Variants in CILP observed in about 807,000 individuals in gnomAD.
CILP encodes the protein cartilage intermediate layer protein, also known as cartilage intermediate layer protein 1.
Under a neutral mutation model 82.5 loss-of-function variants are expected in CILP, and 75 were observed. The ratio of observed to expected loss-of-function variants is 0.91; its 90% confidence interval spans 0.75 to 1.10. CILP has a LOEUF of 1.10. CILP is among the 50% of genes least tolerant of loss of function. The pLI is 0.00. For synonymous variants in CILP, 530 were observed against 580.3 expected, an observed-to-expected ratio of 0.91 and a Z score of 1.25; for missense variants, 1,479 against 1,530.8, an observed-to-expected ratio of 0.97 and a Z score of 0.56.
intron 2 of CILP, among the ~76,000 whole-genome samples, chr15:65,208,966 A>G (rs905901661): frequency 7.6e-5 from 11 of 143,802 alleles, no homozygotes; most frequent in Non-Finnish European, 1.2e-4. Flanking sequence ...CTGCATTTGT[A>G]GCCACAAATC....
rs1212141146 is a variant in CILP at position 65,201,987 on chromosome 15, A to G, written c.1071T>C (p.His357=). Residue 357 remains histidine (H), a synonymous_variant, in exon 8 of 9, where the codon CAT becomes CAC. Coordinates refer to ENST00000261883, the MANE Select transcript of CILP (RefSeq NM_003613.4). ...DTLLDPSLYK[H]ESKLVLRKLQ... ...GTTTCCTCAGCACCAGCTTGCTCTCATGCTTGTAGAGGGAAGGATCCAGCA... is the reference window on the plus strand; with the variant it reads ...GTTTCCTCAGCACCAGCTTGCTCTCGTGCTTGTAGAGGGAAGGATCCAGCA... 6.2e-7 allele frequency: 1 copy of G among 1,602,380 alleles called. No homozygotes were observed. Among genetic ancestry groups the G allele is most frequent in the East Asian group, 2.3e-5 (1 of 43,756 alleles).
chr15:65,203,777 A>G lies in CILP; in HGVS notation c.920-307T>C, dbSNP rs2088486461. ...CTTTGGGACAGAACTGACTGTTTTAAATAGTGCAATATTCATGTTCTGCTG... is the reference window on the plus strand; with the variant it reads ...CTTTGGGACAGAACTGACTGTTTTAGATAGTGCAATATTCATGTTCTGCTG... On this transcript the variant is annotated intron_variant, in intron 6 of 8. Transcript: ENST00000261883. Among the ~76,000 whole-genome samples, 5 of 152,176 alleles carry G rather than the reference A, an allele frequency of 3.3e-5. No individual in the cohort carries two copies. The South Asian group carries it at 1.0e-3, about 32-fold the overall frequency.
In CILP at chr15:65,201,950, G is replaced by A; in HGVS notation, c.1108C>T (p.Gln370Ter). The A allele has an allele frequency of 6.2e-7, 1 of 1,607,626 alleles. No homozygotes were observed. Among genetic ancestry groups the A allele is most frequent in the African/African-American group, 1.3e-5 (1 of 74,598 alleles). The change falls in exon 8 of 9, where the codon CAG (glutamine) becomes TAG (stop). Residue 370 changes from glutamine to a stop codon, truncating the protein, a stop_gained. Transcript: ENST00000261883. LOFTEE classifies it high-confidence loss of function. ...GCCTTGCAAAAGTACTCCCCAGCCT[G>A]GTGCTGCTGCAGTTTCCTCAGCACC... ...KLVLRKLQQHQAGEYFCKAQS... is the reference protein window; with the variant it reads ...KLVLRKLQQH
Position 65,209,738 on chromosome 15 carries a change from G to A in CILP, c.18C>T (p.Ala6=), listed in dbSNP as rs2140685009. 1 of 1,614,048 alleles carries A rather than the reference G, an allele frequency of 6.2e-7. No homozygotes were observed. Among genetic ancestry groups the A allele is most frequent in the Non-Finnish European group, 8.5e-7 (1 of 1,179,992 alleles). MVGTK[A]WVFSFLVLEV... is the part of the protein sequence containing the mutation. ...CCAGGACCAGGAAGGAGAACACCCAGGCCTTGGTCCCCACCATCTTTCCCC... is the reference window on the plus strand; with the variant it reads ...CCAGGACCAGGAAGGAGAACACCCAAGCCTTGGTCCCCACCATCTTTCCCC... Residue 6 remains alanine (A), a synonymous_variant, in exon 2 of 9, where the codon GCC becomes GCT. Transcript: ENST00000261883.
chr15:65,210,531 G>T (rs1487962541), intron 1 of CILP, among the ~76,000 whole-genome samples: 2 of 152,228 alleles, frequency 1.3e-5, no homozygotes, highest in Non-Finnish European at 2.9e-5. Flanking sequence ...AACTGCAAGG[G>T]TCAGGAGAGG....
Position 65,196,658 on chromosome 15 carries a change from GAC to G in CILP, c.*71_*72del. 1 of 1,296,208 alleles carries G rather than the reference GAC, an allele frequency of 7.7e-7. No individual in the cohort carries two copies. The highest frequency in any genetic ancestry group is 1.5e-5 in the African/African-American group (1 of 67,840). 80.3% of individuals were successfully genotyped at this position (1,296,208 alleles called of 1,614,324 possible). A position where few individuals can be genotyped will look rare whatever the true frequency, so the allele number is the denominator to read the frequency against. ...ACAGAAGTGCTTAAATTAACCAAGT[GAC>G]AGTTTGTGCATCAGTCTCACAATGG... On this transcript the variant is annotated 3_prime_UTR_variant, in exon 9 of 9. Transcript: ENST00000261883.
intron 7 of CILP, among the ~76,000 whole-genome samples, chr15:65,202,571 G>A (rs1442717510): frequency 6.6e-6 from 1 of 151,674 alleles, no homozygotes; most frequent in East Asian, 2.0e-4. Context: ...GGGATTACAG[G>A]CATGCACCAC....
At chr15:65,202,616 T>G (rs1183208767) in intron 7 of CILP, among the ~76,000 whole-genome samples, 1 of 151,862 alleles carries the variant, frequency 6.6e-6, no homozygotes, top group African/African-American at 2.4e-5. Flanking sequence ...TTAGTAGATA[T>G]GGGGTTTCAC....
intron 4 of CILP, 142 bp downstream of exon 4, chr15:65,206,640 T>C (rs983692005): frequency 7.0e-5 from 64 of 915,146 alleles, no homozygotes; most frequent in Non-Finnish European, 9.8e-5. Flanking sequence ...TGCATGTGTG[T>C]CACTACTTGT....
Position 65,198,990 on chromosome 15 carries a change from G to A in CILP, c.1296C>T (p.Cys432=), listed in dbSNP as rs1209392332. 4 of 1,612,508 alleles carry A rather than the reference G, an allele frequency of 2.5e-6. No homozygotes were observed. The highest frequency in any genetic ancestry group is 3.4e-6 in the Non-Finnish European group (4 of 1,180,020). The change falls in exon 9 of 9, where the codon TGC becomes TGT. Residue 432 remains cysteine (C), a synonymous_variant. Transcript: ENST00000261883. The part of the protein sequence containing the change: ...TNSFYYDVGR[C]PVKTCAGQQD... The stretch of plus-strand genomic sequence containing the variant: ...GCTGCCCTGCACAAGTCTTAACAGG[G>A]CAGCGTCCCACGTCATAGTAGAAGG...
rs764627822 is a variant in CILP, at chr15:65,204,537, TCA to T, written c.648_649del (p.Cys216Ter). The T allele has an allele frequency of 1.2e-6, 2 of 1,613,048 alleles. No individual in the cohort carries two copies. The highest frequency in any genetic ancestry group is 1.1e-5 in the South Asian group (1 of 90,918). ...CATGAAGTCCTGGCACATGCAGGCATCACAGTCAGCATTCACCTGGCCCATTG... is the reference window on the plus strand; with the variant it reads ...CATGAAGTCCTGGCACATGCAGGCATCAGTCAGCATTCACCTGGCCCATTG... On this transcript the variant is annotated stop_gained and frameshift_variant, in exon 6 of 9. Coordinates refer to ENST00000261883, the MANE Select transcript of CILP (RefSeq NM_003613.4). LOFTEE classifies it high-confidence loss of function.
intron 7 of CILP, among the ~76,000 whole-genome samples, chr15:65,203,036 T>TA (rs1261827772): frequency 1.3e-5 from 2 of 151,602 alleles, no homozygotes; most frequent in Non-Finnish European, 2.9e-5. Flanking sequence ...AGGGCTTTAC[T>TA]ATGTTGTCCA....
At chr15:65,207,388 G>A (rs2088529767) in intron 3 of CILP, among the ~76,000 whole-genome samples, 1 of 152,240 alleles carries the variant, frequency 6.6e-6, no homozygotes, top group South Asian at 2.1e-4. Flanking sequence ...GTGCTGGTGA[G>A]CTGTCCCCAG....
In CILP at chr15:65,207,047, A is replaced by G. The variant is rs761492238; in HGVS notation, c.159T>C (p.Pro53=). ...FAKPADTLES[P]GEWTTWFNID... is the part of the protein sequence containing the mutation. Reference sequence around the variant, plus strand: ...TGTTGAACCATGTTGTCCACTCACCAGGGCCTGAGAGACATAGCCAAATTG... The same window carrying G: ...TGTTGAACCATGTTGTCCACTCACCGGGGCCTGAGAGACATAGCCAAATTG... Residue 53 remains proline, a synonymous_variant, in exon 4 of 9, where the codon CCT becomes CCC. Transcript: ENST00000261883. 13 of 1,609,162 alleles carry G rather than the reference A, an allele frequency of 8.1e-6. No homozygotes were observed. The African/African-American group carries it at 1.5e-4, about 18-fold the overall frequency.
chr15:65,207,813 C>T (rs961283063), intron 2 of CILP, 49 bp from the exon 3 acceptor site: 9 of 1,497,732 alleles, frequency 6.0e-6, no homozygotes, highest in African/African-American at 2.8e-5. Context: ...CTGGAAGTTA[C>T]AGCATTCCTC....
chr15:65,208,992 C>G (rs1324380795), intron 2 of CILP, among the ~76,000 whole-genome samples: 1 of 127,218 alleles, frequency 7.9e-6, no homozygotes, highest in Non-Finnish European at 1.6e-5. Context: ...AGGCATACAG[C>G]TTTAAAGGAG....
chr15:65,209,907 G>A (rs535022087), intron 1 of CILP, 46 bp from the exon 2 acceptor site: 37 of 629,034 alleles, frequency 5.9e-5, no homozygotes, highest in Middle Eastern at 8.5e-4. Context: ...CTGAATCACC[G>A]CTTATGGCTC....
chr15:65,205,510 G>A, intron 4 of CILP, 44 bp from the exon 5 acceptor site: 1 of 1,542,260 alleles, frequency 6.5e-7, no homozygotes, highest in Non-Finnish European at 8.8e-7. Flanking sequence ...CCTCTTGAGG[G>A]AACTCTGTCA....
chr15:65,205,267 G>T lies in CILP; in HGVS notation c.604+20C>A. 1.3e-6 allele frequency: 2 copies of T among 1,581,174 alleles called. No homozygotes were observed. Among genetic ancestry groups the T allele is most frequent in the Non-Finnish European group, 1.7e-6 (2 of 1,156,192 alleles). ...CCTCACCCACCACACCCTGCCCAGT[G>T]CCAGGAGGGAGGGTGGTACCTGTAC... is the stretch of plus-strand genomic sequence containing the variant. On this transcript the variant is annotated intron_variant, in intron 5 of 8. Transcript: ENST00000261883.
Sources: gnomAD v4.1 joint callset for allele counts (sites outside exome capture counted in the v4.1 genomes callset) on GRCh38, gnomAD v4.1.1 for gene constraint, MANE v1.5 for transcripts, NCBI Gene and HGNC (gene_info 2026-07-23, HGNC 2026-07-21) for gene names.